Variants in CFAP36 observed in about 807,000 individuals in gnomAD.
The protein encoded by CFAP36 is cilia and flagella associated protein 36, also known as cilia- and flagella-associated protein 36.
A neutral mutation model predicts 50.5 loss-of-function variants in CFAP36; 37 were observed. That is an observed-to-expected ratio of 0.73 (90% CI 0.56 to 0.96). CFAP36 has a LOEUF of 0.96. Ranked by LOEUF, CFAP36 falls within the 50% of genes least tolerant of loss-of-function variation. CFAP36 has a pLI of 0.00. For synonymous variants in CFAP36, 138 were observed against 128.2 expected, an observed-to-expected ratio of 1.08 and a Z score of -0.52; for missense variants, 407 against 396.2, an observed-to-expected ratio of 1.03 and a Z score of -0.23.
intron 7 of CFAP36, among the ~76,000 whole-genome samples, chr2:55,538,310 T>C (rs1185505306): frequency 2.6e-5 from 4 of 151,216 alleles, no homozygotes; most frequent in Non-Finnish European, 5.9e-5. Context: ...TTTTTTTTTT[T>C]TGAGTCAGAG....
chr2:55,538,190 A>C (rs1392015565), intron 7 of CFAP36, among the ~76,000 whole-genome samples: 1 of 152,188 alleles, frequency 6.6e-6, no homozygotes, highest in Non-Finnish European at 1.5e-5. Context: ...TCATGAATTC[A>C]GTTCATTTTA....
intron 4 of CFAP36, among the ~76,000 whole-genome samples, 192 bp downstream of exon 4, chr2:55,529,184 G>A (rs1684288861): frequency 1.3e-5 from 2 of 152,128 alleles, no homozygotes; most frequent in South Asian, 2.1e-4. Flanking sequence ...CACTTTGGGA[G>A]GCTGAGGCGG....
intron 6 of CFAP36, among the ~76,000 whole-genome samples, chr2:55,536,104 T>C (rs375374003): frequency 6.6e-4 from 100 of 152,218 alleles, no homozygotes; most frequent in African/African-American, 1.9e-3. Context: ...TCTCCTTCTT[T>C]ATTTTTGTCC....
chr2:55,521,964 A>G (rs1684080284), intron 1 of CFAP36, 138 bp from the exon 2 acceptor site: 3 of 525,238 alleles, frequency 5.7e-6, no homozygotes, highest in Non-Finnish European at 6.9e-6. Context: ...TCATTTATAT[A>G]TTTTTAAAAG....
chr2:55,530,021 G>A (rs896914899), intron 4 of CFAP36, among the ~76,000 whole-genome samples: 2 of 152,214 alleles, frequency 1.3e-5, no homozygotes, highest in Middle Eastern at 3.4e-3. Context: ...CTGGGGTACC[G>A]ATAATTTGCA....
At chr2:55,534,614 A>T (rs940460731) in intron 5 of CFAP36, among the ~76,000 whole-genome samples, 2 of 152,222 alleles carry the variant, frequency 1.3e-5, no homozygotes, top group African/African-American at 2.4e-5. Context: ...AGGAAGGGGC[A>T]GTAGTAGCTC....
chr2:55,530,128 T>C (rs1684317114), intron 4 of CFAP36, among the ~76,000 whole-genome samples: 1 of 152,192 alleles, frequency 6.6e-6, no homozygotes. Flanking sequence ...TAATTGAATT[T>C]TGGGGGCAGG....
At chr2:55,520,418 A>C in intron 1 of CFAP36, 3 of 1,547,338 alleles carry the variant, frequency 1.9e-6, no homozygotes, top group Non-Finnish European at 2.6e-6. Flanking sequence ...ACTGCAAAGG[A>C]GGGCATGTGA....
At chr2:55,536,236 G>A (rs939634609) in intron 6 of CFAP36, among the ~76,000 whole-genome samples, 1 of 151,326 alleles carries the variant, frequency 6.6e-6, no homozygotes, top group African/African-American at 2.4e-5. Context: ...GGGTTCAAGC[G>A]ATTCTCCTGC....
Position 55,519,837 on chromosome 2 carries a change from A to G in CFAP36, c.36A>G (p.Val12=), listed in dbSNP as rs774453282. The G allele has an allele frequency of 1.9e-6, 3 of 1,614,238 alleles. No individual in the cohort carries two copies. Among genetic ancestry groups the G allele is most frequent in the South Asian group, 1.1e-5 (1 of 91,088 alleles). ...AAEEEDEVEW[V]VESIAGFLRG... ...AAGAAGAAGACGAGGTGGAGTGGGT[A>G]GTGGAGAGCATCGCGGGGTTCCTGC... The change falls in exon 1 of 10, where the codon GTA becomes GTG. Residue 12 remains valine (V), a synonymous_variant. Transcript: ENST00000349456.
At position 55,544,923 on chromosome 2, in the gene CFAP36, C is replaced by T. The variant is rs776724815; in HGVS notation, c.944C>T (p.Pro315Leu). Residue 315 changes from proline to leucine, a missense_variant, in exon 10 of 10, where the codon CCA becomes CTA. Coordinates refer to ENST00000349456, the MANE Select transcript of CFAP36 (RefSeq NM_080667.7). ...TGEVEEMTEK[P>L]EMTAEEKQTL... Reference sequence around the variant, plus strand: ...TTTTTTCAGGAAATGACAGAGAAACCAGAAATGACAGCAGAGGAGAAGCAA... The same window carrying T: ...TTTTTTCAGGAAATGACAGAGAAACTAGAAATGACAGCAGAGGAGAAGCAA... 2.5e-6 allele frequency: 4 copies of T among 1,595,024 alleles called. No individual in the cohort carries two copies. The South Asian group carries it at 4.6e-5, about 18-fold the overall frequency.
intron 3 of CFAP36, among the ~76,000 whole-genome samples, chr2:55,528,416 A>G (rs1483514970): frequency 2.0e-5 from 3 of 150,162 alleles, no homozygotes; most frequent in Non-Finnish European, 4.4e-5. Flanking sequence ...TTTTTTTGAG[A>G]CGGAGTCTTG....
intron 2 of CFAP36, among the ~76,000 whole-genome samples, chr2:55,523,404 G>A (rs1684124066): frequency 6.6e-6 from 1 of 151,814 alleles, no homozygotes; most frequent in Admixed American, 6.6e-5. Flanking sequence ...GACAGAGTGA[G>A]ACTCCATCTC....
Position 55,519,932 on chromosome 2 carries a change from C to T in CFAP36, c.115+16C>T. The T allele has an allele frequency of 6.2e-7, 1 of 1,610,568 alleles. No individual in the cohort carries two copies. Among genetic ancestry groups the T allele is most frequent in the Non-Finnish European group, 8.5e-7 (1 of 1,176,778 alleles). On this transcript the variant is annotated intron_variant, in intron 1 of 9. Coordinates refer to ENST00000349456, the MANE Select transcript of CFAP36 (RefSeq NM_080667.7). ...AAATGTGAAGGTAAAAACCAGAGCC[C>T]GAACCGACAATCCTTTTCTCCTCTC...
chr2:55,532,739 C>G (rs1684385559), intron 4 of CFAP36, among the ~76,000 whole-genome samples: 1 of 152,140 alleles, frequency 6.6e-6, no homozygotes, highest in Non-Finnish European at 1.5e-5. Context: ...AGTAATAAAG[C>G]TACTTAAGAG....
chr2:55,520,435 C>A, intron 1 of CFAP36: 1 of 1,548,676 alleles, frequency 6.5e-7, no homozygotes. Context: ...GTGATAACTC[C>A]AGGAAGCCCA....
Position 55,537,513 on chromosome 2 carries a change from G to A in CFAP36, c.568G>A (p.Val190Met), listed in dbSNP as rs1574623788. 6.2e-6 allele frequency: 10 copies of A among 1,613,496 alleles called. No individual in the cohort carries two copies. The highest frequency in any genetic ancestry group is 7.6e-6 in the Non-Finnish European group (9 of 1,179,760). The change falls in exon 7 of 10, where the codon GTG (valine) becomes ATG (methionine). Residue 190 changes from valine to methionine, a missense_variant. By Grantham distance (21) the Val-to-Met change is conservative. Transcript: ENST00000349456. ...AGAGGCTAAAACAGAAGAGCCCACA[G>A]TGCATTCCAGTGAAGCTGCAATAAT... ...LSEAKTEEPTVHSSEAAIMNN... is the reference protein window; with the variant it reads ...LSEAKTEEPTMHSSEAAIMNN...
chr2:55,538,295 CTT>C (rs35529401), intron 7 of CFAP36, among the ~76,000 whole-genome samples: 167 of 132,852 alleles, frequency 1.3e-3, no homozygotes, highest in Non-Finnish European at 1.5e-3. Flanking sequence ...TTTCTTTTAT[CTT>C]TTTTTTTTTT....
At chr2:55,530,738 G>T (rs1159525384) in intron 4 of CFAP36, among the ~76,000 whole-genome samples, 1 of 152,068 alleles carries the variant, frequency 6.6e-6, no homozygotes, top group Non-Finnish European at 1.5e-5. Context: ...TCTTGCTGTG[G>T]TAACCTCACC....
Sources: allele counts gnomAD v4.1 joint callset (sites outside exome capture counted in the v4.1 genomes callset), GRCh38; gene constraint gnomAD v4.1.1; transcripts MANE v1.5; gene names NCBI Gene and HGNC (gene_info 2026-07-23, HGNC 2026-07-21).